Variants in MAPRE1 observed in about 807,000 individuals in gnomAD.
MAPRE1 encodes microtubule associated protein RP/EB family member 1.
Under a neutral mutation model 32.1 loss-of-function variants are expected in MAPRE1, and 5 were observed. The observed-to-expected ratio is 0.16, with a 90% CI of 0.08 to 0.33. The LOEUF (loss-of-function observed/expected upper bound fraction) is 0.33, where lower values mean the gene tolerates loss of function less well. Ranked by LOEUF, MAPRE1 falls within the 10% of genes least tolerant of loss-of-function variation. The pLI, the probability that MAPRE1 is intolerant of heterozygous loss-of-function variation, is 1.00. For synonymous variants in MAPRE1, 122 were observed against 118.9 expected (o/e 1.03, Z -0.17); for missense variants, 209 against 327.2 (o/e 0.64, Z 2.79).
At chr20:32,844,533 A>C (rs1265623042) in intron 5 of MAPRE1, among the ~76,000 whole-genome samples, 1 of 125,762 alleles carries the variant, frequency 8.0e-6, no homozygotes, top group Non-Finnish European at 1.6e-5. Flanking sequence ...CCCTGCCTCA[A>C]CCTCCTGAGT....
intron 1 of MAPRE1, among the ~76,000 whole-genome samples, chr20:32,820,684 A>G (rs1249574610): frequency 6.6e-6 from 1 of 152,066 alleles, no homozygotes; most frequent in Non-Finnish European, 1.5e-5. Context: ...GGGAACAAAG[A>G]TTTGCTCTCC....
intron 5 of MAPRE1, among the ~76,000 whole-genome samples, chr20:32,840,211 C>T (rs1361594186): frequency 6.6e-6 from 1 of 152,200 alleles, no homozygotes; most frequent in Admixed American, 6.5e-5. Flanking sequence ...CGCAGTCTCT[C>T]TGCTGAGTCC....
At chr20:32,836,911 T>G in intron 4 of MAPRE1, 70 bp downstream of exon 4, 1 of 1,350,482 alleles carries the variant, frequency 7.4e-7, no homozygotes, top group Non-Finnish European at 1.0e-6. Flanking sequence ...TCAACTAGAA[T>G]TTTTTTCAGT....
At chr20:32,848,196 CCCA>C (rs1248874245) in intron 6 of MAPRE1, among the ~76,000 whole-genome samples, 1 of 151,856 alleles carries the variant, frequency 6.6e-6, no homozygotes, top group Non-Finnish European at 1.5e-5. Flanking sequence ...ACAGGCATGT[CCCA>C]CCAGGCTTGG....
chr20:32,821,017 C>T (rs897410155), intron 1 of MAPRE1, among the ~76,000 whole-genome samples: 1 of 148,698 alleles, frequency 6.7e-6, no homozygotes, highest in African/African-American at 2.5e-5. Context: ...GAGAGATTCT[C>T]TTCTTCCTTT....
chr20:32,846,045 A>G (rs183151908), intron 5 of MAPRE1, among the ~76,000 whole-genome samples: 1 of 152,346 alleles, frequency 6.6e-6, no homozygotes, highest in Non-Finnish European at 1.5e-5. Flanking sequence ...TAAAGTACAC[A>G]CAGGACTATG....
intron 2 of MAPRE1, among the ~76,000 whole-genome samples, chr20:32,827,943 T>C (rs1444068705): frequency 6.6e-6 from 1 of 151,946 alleles, no homozygotes; most frequent in Non-Finnish European, 1.5e-5. Flanking sequence ...TTTTCTTTTT[T>C]TTTTTTGAGT....
intron 1 of MAPRE1, among the ~76,000 whole-genome samples, chr20:32,825,149 CAAAAAAA>C (rs542454683): frequency 1.2e-5 from 1 of 81,384 alleles, no homozygotes; most frequent in Non-Finnish European, 2.5e-5. Flanking sequence ...AAGACTGTCT[CAAAAAAA>C]AAAAAAAAAG....
In MAPRE1 at chr20:32,837,986, G is replaced by A. The variant is rs192774990; in HGVS notation, c.475+1145G>A. Among the ~76,000 whole-genome samples, 763 of 152,328 alleles carry A rather than the reference G, an allele frequency of 5.0e-3. 3 individuals carry two copies. The highest frequency in any genetic ancestry group is 8.1e-3 in the Non-Finnish European group (553 of 68,028). On this transcript the variant is annotated intron_variant, in intron 4 of 6. Transcript: ENST00000375571. ...TAATCCCAGCTACTCAGGAGGCTGA[G>A]GCAGGAGAATCGCTTGAACCCAGGA... is the stretch of plus-strand genomic sequence containing the variant.
At position 32,839,726 on chromosome 20, in the gene MAPRE1, C is replaced by T; in HGVS notation, c.476-9C>T. ...ACTCCTTTTCAAAAACCTGTGCTCT[C>T]TTTTTCAGCTCCCCAGAGGCCCATC... On this transcript the variant is annotated splice_polypyrimidine_tract_variant and intron_variant, in intron 4 of 6. Transcript: ENST00000375571. 1.9e-6 allele frequency: 3 copies of T among 1,613,500 alleles called. No homozygotes were observed. The highest frequency in any genetic ancestry group is 2.5e-6 in the Non-Finnish European group (3 of 1,179,820).
Position 32,848,883 on chromosome 20 carries a change from T to A in MAPRE1, c.*155T>A. 5.4e-6 allele frequency: 3 copies of A among 558,344 alleles called. No homozygotes were observed. In the South Asian group the frequency reaches 7.9e-5, roughly 15 times the overall value. The allele number at this position is 558,344 out of a possible 1,614,324, so 34.6% of individuals were successfully genotyped here. A position where few individuals can be genotyped will look rare whatever the true frequency, so the allele number is the denominator to read the frequency against. On this transcript the variant is annotated 3_prime_UTR_variant, in exon 7 of 7. Coordinates refer to ENST00000375571, the MANE Select transcript of MAPRE1 (RefSeq NM_012325.3). ...AAAGTGCACTTTGCAGACGTTTCACTCCTTTTCCAATAAGTTTGAGTTAGG... is the reference window on the plus strand; with the variant it reads ...AAAGTGCACTTTGCAGACGTTTCACACCTTTTCCAATAAGTTTGAGTTAGG...
At chr20:32,830,438 T>C (rs1380461054) in intron 2 of MAPRE1, among the ~76,000 whole-genome samples, 1 of 152,208 alleles carries the variant, frequency 6.6e-6, no homozygotes, top group African/African-American at 2.4e-5. Context: ...CTCCTCAGGC[T>C]AGCTCCCTTT....
chr20:32,837,001 G>T (rs185681038), intron 4 of MAPRE1, among the ~76,000 whole-genome samples, 160 bp downstream of exon 4: 1 of 152,184 alleles, frequency 6.6e-6, no homozygotes, highest in African/African-American at 2.4e-5. Flanking sequence ...GGCAGATAAC[G>T]GTGTGTGTCC....
At chr20:32,840,902 G>A (rs967671819) in intron 5 of MAPRE1, among the ~76,000 whole-genome samples, 7 of 152,044 alleles carry the variant, frequency 4.6e-5, no homozygotes, top group Admixed American at 2.0e-4. Context: ...TGCAACCTCC[G>A]CCTCCCAGGT....
In MAPRE1 at chr20:32,848,802, T is replaced by C. The variant is rs1983574531; in HGVS notation, c.*74T>C. 7.3e-7 allele frequency: 1 copy of C among 1,363,844 alleles called. No homozygotes were observed. The highest frequency in any genetic ancestry group is 1.0e-6 in the Non-Finnish European group (1 of 976,820). The allele number at this position is 1,363,844 out of a possible 1,614,324, so 84.5% of individuals were successfully genotyped here. A position where few individuals can be genotyped will look rare whatever the true frequency, so the allele number is the denominator to read the frequency against. On this transcript the variant is annotated 3_prime_UTR_variant, in exon 7 of 7. Transcript: ENST00000375571. ...TGCTTAACTGTAAAATACTCCCTTT[T>C]GTTATCCTTAGAGGACTCACTGGTT...
chr20:32,821,611 CAG>C (rs1478452984), intron 1 of MAPRE1, among the ~76,000 whole-genome samples: 10 of 152,188 alleles, frequency 6.6e-5, no homozygotes, highest in African/African-American at 2.4e-4. Flanking sequence ...CCACTTTGTG[CAG>C]AGATACTGTT....
chr20:32,831,851 A>G (rs1983035744), intron 2 of MAPRE1, among the ~76,000 whole-genome samples: 3 of 151,098 alleles, frequency 2.0e-5, no homozygotes, highest in Non-Finnish European at 2.9e-5. Flanking sequence ...TCTTTTTTTT[A>G]ATTGTGTAAA....
At position 32,836,796 on chromosome 20, in the gene MAPRE1, C is replaced by G. The variant is rs146207631; in HGVS notation, c.430C>G (p.Pro144Ala). ...TGCAGTGGCTCCTTCCCTTGTTGCTCCAGCTCTGAATAAACCGAAGAAACC... is the reference window on the plus strand; with the variant it reads ...TGCAGTGGCTCCTTCCCTTGTTGCTGCAGCTCTGAATAAACCGAAGAAACC... ...ETAVAPSLVAPALNKPKKPLT... is the reference protein window; with the variant it reads ...ETAVAPSLVAAALNKPKKPLT... Residue 144 changes from proline to alanine, a missense_variant, in exon 4 of 7, where the codon CCA becomes GCA. Physicochemically the swap from Pro to Ala is conservative, Grantham distance 27. Transcript: ENST00000375571. 1.2e-5 allele frequency: 19 copies of G among 1,613,980 alleles called. No individual in the cohort carries two copies. The African/African-American group carries it at 2.4e-4, about 20-fold the overall frequency.
chr20:32,821,494 T>C (rs1982701298), intron 1 of MAPRE1, among the ~76,000 whole-genome samples: 2 of 152,226 alleles, frequency 1.3e-5, no homozygotes, highest in African/African-American at 4.8e-5. Context: ...CCCTTTGTGG[T>C]GGTGCGTCAA....
Sources: gnomAD v4.1 joint callset for allele counts (sites outside exome capture counted in the v4.1 genomes callset) on GRCh38, gnomAD v4.1.1 for gene constraint, MANE v1.5 for transcripts, NCBI Gene and HGNC (gene_info 2026-07-23, HGNC 2026-07-21) for gene names.